AAK1: variants seen among roughly 807,000 people sequenced by gnomAD.
AAK1 encodes the protein AP2-associated protein kinase 1.
Under a neutral mutation model 116.0 loss-of-function variants are expected in AAK1, and 37 were observed. The ratio of observed to expected loss-of-function variants is 0.32; its 90% CI spans 0.25 to 0.42. The LOEUF is 0.42. Ranked by LOEUF, AAK1 falls within the 10% of genes least tolerant of loss-of-function variation. The pLI is 1.00. For synonymous variants in AAK1, 458 were observed against 439.9 expected (o/e 1.04, Z -0.51); for missense variants, 919 against 1,170.6 (o/e 0.79, Z 3.14).
chr2:69,493,266 G>C (rs1675612445), intron 17 of AAK1, among the ~76,000 whole-genome samples: 1 of 151,788 alleles, frequency 6.6e-6, no homozygotes, highest in African/African-American at 2.4e-5. Context: ...AGCCACCGTG[G>C]TAATATAACA....
chr2:69,500,698 T>TATATATATAC lies in AAK1; in HGVS notation c.2270-4619_2270-4618insGTATATATAT. On this transcript the variant is annotated intron_variant, in intron 16 of 21. Transcript: ENST00000409085. ...ATATATATATATATATATATATATA[T>TATATATATAC]ACACACACACACACACACACACACA... Among the ~76,000 whole-genome samples, 626 of 64,914 alleles carry TATATATATAC rather than the reference T, an allele frequency of 9.6e-3. 9 individuals carry two copies. The highest frequency in any genetic ancestry group is 0.011 in the Non-Finnish European group (438 of 38,214). The allele number at this position is 64,914 out of a possible 152,430, so 42.6% of individuals were successfully genotyped here. A position where few individuals can be genotyped will look rare whatever the true frequency, so the allele number is the denominator to read the frequency against.
chr2:69,572,613 C>G (rs146863748), intron 2 of AAK1, among the ~76,000 whole-genome samples: 1 of 129,224 alleles, frequency 7.7e-6, no homozygotes, highest in African/African-American at 2.8e-5. Flanking sequence ...AAACGAAACT[C>G]TGTCTTTAAA....
chr2:69,493,240 T>C (rs1008603941), intron 17 of AAK1, among the ~76,000 whole-genome samples: 12 of 148,318 alleles, frequency 8.1e-5, no homozygotes, highest in African/African-American at 3.0e-4. Flanking sequence ...AATGTTAAAA[T>C]AAGCAGAATA....
chr2:69,608,060 T>C (rs1673887640), intron 2 of AAK1, among the ~76,000 whole-genome samples: 1 of 152,216 alleles, frequency 6.6e-6, no homozygotes, highest in Non-Finnish European at 1.5e-5. Flanking sequence ...GAATATCTGC[T>C]AGATTTAGTC....
At chr2:69,568,518 A>G (rs748461039) in intron 2 of AAK1, among the ~76,000 whole-genome samples, 15 of 150,446 alleles carry the variant, frequency 1.0e-4, no homozygotes, top group Non-Finnish European at 1.3e-4. Flanking sequence ...GAAGCCTTGA[A>G]CCCTCAGGCT....
chr2:69,630,819 T>A (rs1292298175), intron 2 of AAK1, among the ~76,000 whole-genome samples: 1 of 152,220 alleles, frequency 6.6e-6, no homozygotes, highest in African/African-American at 2.4e-5. Flanking sequence ...AGGTTTTCCA[T>A]AATCATTACT....
intron 12 of AAK1, among the ~76,000 whole-genome samples, chr2:69,518,075 C>T (rs1180899329): frequency 1.3e-5 from 2 of 152,130 alleles, no homozygotes; most frequent in African/African-American, 4.8e-5. Flanking sequence ...TGAGCTATAA[C>T]TGCACCACTT....
At chr2:69,581,716 C>T (rs567190704) in intron 2 of AAK1, among the ~76,000 whole-genome samples, 2 of 152,236 alleles carry the variant, frequency 1.3e-5, no homozygotes, top group South Asian at 2.1e-4. Context: ...GTGGTTCATG[C>T]CTATAATCCC....
chr2:69,535,888 A>C (rs1670450299), intron 5 of AAK1, among the ~76,000 whole-genome samples: 1 of 152,252 alleles, frequency 6.6e-6, no homozygotes, highest in Non-Finnish European at 1.5e-5. Flanking sequence ...AAGGACTTAC[A>C]AAAGTGAAAC....
chr2:69,595,846 T>G (rs1407246814), intron 2 of AAK1, among the ~76,000 whole-genome samples: 2 of 152,212 alleles, frequency 1.3e-5, no homozygotes, highest in African/African-American at 4.8e-5. Flanking sequence ...TTCAAACCTG[T>G]GAAGGTCAGG....
intron 2 of AAK1, among the ~76,000 whole-genome samples, chr2:69,620,089 A>G (rs1255674246): frequency 6.6e-6 from 1 of 152,184 alleles, no homozygotes; most frequent in East Asian, 1.9e-4. Flanking sequence ...GAGACCAGTG[A>G]AGAAACAGCT....
chr2:69,604,690 G>C (rs76491143), intron 2 of AAK1, among the ~76,000 whole-genome samples: 4,380 of 152,224 alleles, frequency 0.029, 212 homozygotes, highest in African/African-American at 0.1. Context: ...ACATGCTGAG[G>C]ATGACTGGGG....
At chr2:69,589,412 G>A (rs1361874650) in intron 2 of AAK1, among the ~76,000 whole-genome samples, 1 of 152,052 alleles carries the variant, frequency 6.6e-6, no homozygotes, top group Non-Finnish European at 1.5e-5. Flanking sequence ...CTCAAAGAAA[G>A]TAAAGGAGTA....
rs574490585 is a variant in AAK1 at position 69,493,158 on chromosome 2, C to CAAAAAAAAAAAAAAAAAAAAAAA, written c.2365+2826_2365+2827insTTTTTTTTTTTTTTTTTTTTTTT. On this transcript the variant is annotated intron_variant, in intron 17 of 21. Transcript: ENST00000409085. ...TGGGCGACAGAGCGAGACTCCGTCT[C>CAAAAAAAAAAAAAAAAAAAAAAA]AAAAAAAAAAAAAAAAAAAGGATGC... 1.9e-3 allele frequency among the ~76,000 whole-genome samples: 72 copies of CAAAAAAAAAAAAAAAAAAAAAAA among 37,510 alleles called. 1 individual carries two copies. The highest frequency in any genetic ancestry group is 2.7e-3 in the South Asian group (2 of 730). The allele number at this position is 37,510 out of a possible 152,430, so 24.6% of individuals were successfully genotyped here. A position where few individuals can be genotyped will look rare whatever the true frequency, so the allele number is the denominator to read the frequency against.
intron 2 of AAK1, among the ~76,000 whole-genome samples, chr2:69,637,499 CTT>C (rs1675498648): frequency 6.6e-6 from 1 of 152,210 alleles, no homozygotes; most frequent in Admixed American, 6.5e-5. Flanking sequence ...ATGCAGTGTT[CTT>C]TCCACCACAC....
chr2:69,549,915 T>C (rs958927136), intron 3 of AAK1, among the ~76,000 whole-genome samples: 1 of 152,250 alleles, frequency 6.6e-6, no homozygotes, highest in African/African-American at 2.4e-5. Flanking sequence ...TCCAACTTTA[T>C]AAAGGCACAT....
At chr2:69,525,872 G>C (rs1266383961) in intron 9 of AAK1, among the ~76,000 whole-genome samples, 1 of 152,216 alleles carries the variant, frequency 6.6e-6, no homozygotes, top group Non-Finnish European at 1.5e-5. Context: ...GAATGGGAAA[G>C]TGGGACTACA....
chr2:69,480,702 A>G (rs374423896), intron 19 of AAK1, among the ~76,000 whole-genome samples, 158 bp downstream of exon 19: 14 of 151,850 alleles, frequency 9.2e-5, no homozygotes, highest in African/African-American at 3.1e-4. Flanking sequence ...ATCACTCAAC[A>G]TCTAGAAGCC....
chr2:69,569,935 G>C (rs1264527158), intron 2 of AAK1, among the ~76,000 whole-genome samples: 3 of 152,120 alleles, frequency 2.0e-5, no homozygotes, highest in Admixed American at 6.5e-5. Flanking sequence ...TAAGAGCACT[G>C]TTGTACAAGT....
Sources: allele counts gnomAD v4.1 joint callset (sites outside exome capture counted in the v4.1 genomes callset), GRCh38; gene constraint gnomAD v4.1.1; transcripts MANE v1.5; gene names NCBI Gene and HGNC (gene_info 2026-07-23, HGNC 2026-07-21).